JMJD1C: variants seen among roughly 807,000 people sequenced by gnomAD.
JMJD1C encodes the protein jumonji domain-containing protein 1C.
A neutral mutation model predicts 245.3 loss-of-function variants in JMJD1C; 31 were observed. That is an observed-to-expected ratio of 0.13 (90% CI 0.09 to 0.17). The LOEUF is 0.17. Ranked by LOEUF, JMJD1C falls within the 10% of genes least tolerant of loss-of-function variation. JMJD1C has a pLI of 1.00. For missense variants in JMJD1C, 2,691 were observed against 3,000.2 expected (o/e 0.90, Z 2.41); for synonymous variants, 1,057 against 1,017.4 (o/e 1.04, Z -0.74).
chr10:63,480,084 AT>A (rs961010790), intron 1 of JMJD1C, among the ~76,000 whole-genome samples: 3 of 152,124 alleles, frequency 2.0e-5, no homozygotes, highest in African/African-American at 4.8e-5. Flanking sequence ...TACTTTGACA[AT>A]TTTTTTAAAT....
intron 1 of JMJD1C, among the ~76,000 whole-genome samples, chr10:63,512,393 A>G (rs746888011): frequency 3.3e-5 from 5 of 152,110 alleles, no homozygotes; most frequent in Non-Finnish European, 7.3e-5. Flanking sequence ...ATTTGCAACA[A>G]ATTCCCTCAA....
At chr10:63,218,928 CT>C (rs1848292312) in intron 4 of JMJD1C, among the ~76,000 whole-genome samples, 3 of 151,970 alleles carry the variant, frequency 2.0e-5, no homozygotes, top group Non-Finnish European at 4.4e-5. Flanking sequence ...AAAACAATTA[CT>C]TTTTTCAGAA....
chr10:63,306,077 C>T (rs1030836698), intron 2 of JMJD1C, among the ~76,000 whole-genome samples: 2 of 151,782 alleles, frequency 1.3e-5, no homozygotes, highest in African/African-American at 2.4e-5. Flanking sequence ...TAGTTTATCA[C>T]GTTTTTTTAA....
intron 1 of JMJD1C, among the ~76,000 whole-genome samples, chr10:63,429,922 T>C (rs1330927991): frequency 3.9e-5 from 6 of 152,200 alleles, no homozygotes; most frequent in Admixed American, 3.9e-4. Context: ...CTACTTGCTA[T>C]CCTAGTAATT....
chr10:63,332,872 A>G (rs1227601588), intron 2 of JMJD1C, among the ~76,000 whole-genome samples: 1 of 152,200 alleles, frequency 6.6e-6, no homozygotes, highest in Non-Finnish European at 1.5e-5. Context: ...ATACTGATCT[A>G]TCACGTGAAA....
intron 1 of JMJD1C, among the ~76,000 whole-genome samples, chr10:63,398,864 C>T (rs1403620802): frequency 6.6e-6 from 1 of 152,130 alleles, no homozygotes; most frequent in Non-Finnish European, 1.5e-5. Flanking sequence ...AGGCTGGTCT[C>T]GAACTCCTAG....
At chr10:63,510,732 C>T (rs1337416236) in intron 1 of JMJD1C, among the ~76,000 whole-genome samples, 1 of 152,160 alleles carries the variant, frequency 6.6e-6, no homozygotes, top group African/African-American at 2.4e-5. Context: ...TCAACTTCAA[C>T]TATGTCTTTA....
chr10:63,182,831 C>G (rs947370188), intron 22 of JMJD1C, among the ~76,000 whole-genome samples: 1 of 152,006 alleles, frequency 6.6e-6, no homozygotes, highest in African/African-American at 2.4e-5. Context: ...GAATTAGTTC[C>G]TATTCTTCAA....
intron 2 of JMJD1C, among the ~76,000 whole-genome samples, chr10:63,289,567 A>C (rs1166500997): frequency 1.3e-5 from 2 of 152,184 alleles, no homozygotes; most frequent in Non-Finnish European, 2.9e-5. Context: ...GCTTTTCATG[A>C]ATAGTGACAA....
At chr10:63,316,198 G>A (rs1030278246) in intron 2 of JMJD1C, among the ~76,000 whole-genome samples, 3 of 152,124 alleles carry the variant, frequency 2.0e-5, no homozygotes, top group African/African-American at 7.2e-5. Context: ...ACAAAAATTT[G>A]TTGTTTTCAT....
At chr10:63,348,042 C>T (rs776332261) in intron 2 of JMJD1C, among the ~76,000 whole-genome samples, 5 of 151,896 alleles carry the variant, frequency 3.3e-5, no homozygotes, top group Non-Finnish European at 7.4e-5. Flanking sequence ...GTGAAATCCA[C>T]CTCCACTTAC....
intron 1 of JMJD1C, among the ~76,000 whole-genome samples, chr10:63,427,085 T>A (rs963248002): frequency 2.0e-5 from 3 of 152,200 alleles, no homozygotes; most frequent in African/African-American, 7.2e-5. Context: ...TCCACACTTA[T>A]AACAGCATTT....
intron 1 of JMJD1C, among the ~76,000 whole-genome samples, chr10:63,505,562 T>C (rs1366274989): frequency 6.6e-6 from 1 of 152,112 alleles, no homozygotes; most frequent in Non-Finnish European, 1.5e-5. Flanking sequence ...GCTCTGATTA[T>C]TTAACCATAT....
chr10:63,461,658 G>C (rs1003949245), intron 1 of JMJD1C, among the ~76,000 whole-genome samples: 9 of 152,032 alleles, frequency 5.9e-5, no homozygotes, highest in African/African-American at 2.2e-4. Context: ...GCAAATTTAT[G>C]GGTTTGGCCT....
intron 1 of JMJD1C, among the ~76,000 whole-genome samples, chr10:63,446,713 T>A (rs1205596548): frequency 6.6e-6 from 1 of 152,220 alleles, no homozygotes; most frequent in Non-Finnish European, 1.5e-5. Flanking sequence ...ATGCTGCTGA[T>A]AAGCCCAGTA....
intron 10 of JMJD1C, chr10:63,202,891 A>T: frequency 2.0e-6 from 2 of 976,772 alleles, no homozygotes; most frequent in Non-Finnish European, 2.4e-6. Context: ...TTTACTTTTC[A>T]ATTTATTACA....
At chr10:63,349,750 T>TA (rs892150614) in intron 2 of JMJD1C, among the ~76,000 whole-genome samples, 1 of 152,120 alleles carries the variant, frequency 6.6e-6, no homozygotes, top group African/African-American at 2.4e-5. Context: ...AATGGACATG[T>TA]AAAAACACCT....
chr10:63,185,151 G>A (rs1379883179), intron 20 of JMJD1C, among the ~76,000 whole-genome samples: 1 of 152,120 alleles, frequency 6.6e-6, no homozygotes, highest in African/African-American at 2.4e-5. Flanking sequence ...CAATCCATCA[G>A]ACAAGGTCTC....
intron 1 of JMJD1C, among the ~76,000 whole-genome samples, chr10:63,432,300 A>C (rs905984299): frequency 1.3e-5 from 2 of 152,074 alleles, no homozygotes; most frequent in Non-Finnish European, 2.9e-5. Context: ...CCGGGTGTTC[A>C]CCTTTGTTTG....
Sources: allele counts gnomAD v4.1 joint callset (sites outside exome capture counted in the v4.1 genomes callset), GRCh38; gene constraint gnomAD v4.1.1; transcripts MANE v1.5; gene names NCBI Gene and HGNC (gene_info 2026-07-23, HGNC 2026-07-21).